The following SYNE2 variants were observed in gnomAD, a reference collection of about 807,000 sequenced individuals.
The protein encoded by SYNE2 is spectrin repeat containing nuclear envelope protein 2, also known as nesprin-2.
Under a neutral mutation model 856.3 loss-of-function variants are expected in SYNE2, and 431 were observed. The ratio of observed to expected loss-of-function variants is 0.50; its 90% CI spans 0.47 to 0.55. The LOEUF (loss-of-function observed/expected upper bound fraction) is 0.55, where lower values mean the gene tolerates loss of function less well. SYNE2 is among the 20% of genes least tolerant of loss of function. The pLI is 0.00. For missense variants in SYNE2, 8,129 were observed against 8,023.2 expected (o/e 1.01, Z -0.50); for synonymous variants, 2,923 against 2,872.3 (o/e 1.02, Z -0.56).
chr14:64,112,462 G>C (rs954462228), intron 65 of SYNE2, among the ~76,000 whole-genome samples: 3 of 152,166 alleles, frequency 2.0e-5, no homozygotes, highest in Non-Finnish European at 4.4e-5. Context: ...AGATAATACA[G>C]TGGGAGGTAA....
intron 108 of SYNE2, 59 bp from the exon 109 acceptor site, chr14:64,218,339 T>C (rs2098676596): frequency 1.4e-5 from 21 of 1,459,110 alleles, no homozygotes; most frequent in Non-Finnish European, 1.8e-5. Flanking sequence ...ATGAATCCAG[T>C]TGTTCTTCAG....
At chr14:64,003,777 G>A (rs2096773475) in intron 30 of SYNE2, among the ~76,000 whole-genome samples, 1 of 152,134 alleles carries the variant, frequency 6.6e-6, no homozygotes, top group Non-Finnish European at 1.5e-5. Context: ...CCTCCCAGCA[G>A]GATTAGGGTA....
intron 43 of SYNE2, among the ~76,000 whole-genome samples, chr14:64,028,845 T>A (rs2097004746): frequency 6.6e-6 from 1 of 152,096 alleles, no homozygotes; most frequent in Non-Finnish European, 1.5e-5. Flanking sequence ...AGTAAAATAA[T>A]TACGAGGCAG....
At chr14:63,990,722 C>T (rs140640289) in intron 20 of SYNE2, among the ~76,000 whole-genome samples, 153 bp downstream of exon 20, 45 of 151,994 alleles carry the variant, frequency 3.0e-4, no homozygotes, top group African/African-American at 9.4e-4. Context: ...TAATTTAAAG[C>T]GTATCAGAAA....
intron 1 of SYNE2, among the ~76,000 whole-genome samples, chr14:63,846,236 CAG>C (rs960955646): frequency 6.6e-6 from 1 of 151,140 alleles, no homozygotes; most frequent in Non-Finnish European, 1.5e-5. Flanking sequence ...TTTGGAGAGA[CAG>C]GGGCTCACCA....
chr14:63,794,002 C>T (rs1186424822), intron 1 of SYNE2, among the ~76,000 whole-genome samples: 1 of 151,776 alleles, frequency 6.6e-6, no homozygotes, highest in Non-Finnish European at 1.5e-5. Flanking sequence ...CATGTCCTGC[C>T]TGAAATACCA....
intron 1 of SYNE2, among the ~76,000 whole-genome samples, chr14:63,876,478 A>C (rs2094720715): frequency 6.9e-6 from 1 of 144,362 alleles, no homozygotes; most frequent in African/African-American, 2.6e-5. Context: ...AAAACAAGCA[A>C]CAAGCAAATA....
Position 63,930,533 on chromosome 14 carries a change from C to T in SYNE2, c.80-10081C>T, listed in dbSNP as rs77033278. Among the ~76,000 whole-genome samples the T allele has an allele frequency of 5.7e-4, 73 of 128,504 alleles. 2 individuals are homozygous for T. Among genetic ancestry groups the T allele is most frequent in the African/African-American group, 2.5e-3 (70 of 28,480 alleles). The allele number at this position is 128,504 out of a possible 152,430, so 84.3% of individuals were successfully genotyped here. On this transcript the variant is annotated intron_variant, in intron 2 of 115. Coordinates refer to ENST00000555002, the MANE Select transcript of SYNE2 (RefSeq NM_182914.3). ...ATCACTATCCTTTATCATTATCCTT[C>T]TTTTTTTTTTTTTTTTTAAAGACAG...
Position 64,002,869 on chromosome 14 carries a change from C to T in SYNE2, c.3936C>T (p.Asn1312=), listed in dbSNP as rs1478365446. The T allele has an allele frequency of 2.5e-6, 4 of 1,614,134 alleles. No homozygotes were observed. Among genetic ancestry groups the T allele is most frequent in the Non-Finnish European group, 2.5e-6 (3 of 1,180,020 alleles). Reference sequence around the variant, plus strand: ...ACAAAACACAATTTGAAGGAATGAACCACAGGGTGCAGAGGAGTGAAGATA... The same window carrying T: ...ACAAAACACAATTTGAAGGAATGAATCACAGGGTGCAGAGGAGTGAAGATA... The part of the protein sequence containing the change: ...LKYKTQFEGM[N]HRVQRSEDTL... Residue 1312 remains asparagine (N), a synonymous_variant, in exon 30 of 116, where the codon AAC becomes AAT. Coordinates refer to ENST00000555002, the MANE Select transcript of SYNE2 (RefSeq NM_182914.3).
At chr14:63,884,929 C>T (rs945615356) in intron 1 of SYNE2, among the ~76,000 whole-genome samples, 3 of 152,088 alleles carry the variant, frequency 2.0e-5, no homozygotes, top group Admixed American at 1.3e-4. Flanking sequence ...CAGGAGCCAC[C>T]GCACCCGGCC....
At chr14:63,968,162 CA>C (rs1296578424) in intron 11 of SYNE2, among the ~76,000 whole-genome samples, 4 of 145,088 alleles carry the variant, frequency 2.8e-5, no homozygotes, top group Non-Finnish European at 4.6e-5. Context: ...GACTCCGTCT[CA>C]AAAAAAAAAG....
rs112241770 is a variant in SYNE2, at chr14:64,027,634, T to C, written c.6555T>C (p.Tyr2185=). ...LQEKKAQLKI[Y]KKFLKKAQDL... The stretch of plus-strand genomic sequence containing the variant: ...AGAAGAAAGCTCAGTTAAAGATTTA[T>C]AAGAAATTCCTCAAGAAAGCCCAAG... Residue 2185 remains tyrosine (Y), a synonymous_variant, in exon 43 of 116, where the codon TAT becomes TAC. Transcript: ENST00000555002. 46 of 1,614,108 alleles carry C rather than the reference T, an allele frequency of 2.8e-5. 1 individual carries two copies. The highest frequency in any genetic ancestry group is 2.4e-4 in the African/African-American group (18 of 75,034).
intron 1 of SYNE2, among the ~76,000 whole-genome samples, chr14:63,829,897 G>T (rs1290319072): frequency 6.6e-6 from 1 of 152,140 alleles, no homozygotes; most frequent in Non-Finnish European, 1.5e-5. Flanking sequence ...GGGATTACAG[G>T]CATGAGGCAC....
intron 1 of SYNE2, among the ~76,000 whole-genome samples, chr14:63,804,129 A>C (rs1208048531): frequency 6.6e-6 from 1 of 152,190 alleles, no homozygotes; most frequent in Non-Finnish European, 1.5e-5. Context: ...GAGTCAATTA[A>C]ACCTCTTTTC....
intron 1 of SYNE2, among the ~76,000 whole-genome samples, chr14:63,878,600 T>C (rs2094783137): frequency 6.6e-6 from 1 of 152,074 alleles, no homozygotes; most frequent in Non-Finnish European, 1.5e-5. Context: ...TGGAGTGCAG[T>C]GGTGCGATCT....
intron 107 of SYNE2, chr14:64,215,914 C>G (rs1344444872): frequency 7.8e-7 from 1 of 1,288,458 alleles, no homozygotes; most frequent in African/African-American, 1.5e-5. Context: ...CACTCTTCCC[C>G]TCACTCCTGA....
chr14:63,952,857 G>T (rs1332294490), intron 7 of SYNE2, among the ~76,000 whole-genome samples: 1 of 152,122 alleles, frequency 6.6e-6, no homozygotes, highest in Non-Finnish European at 1.5e-5. Flanking sequence ...ATTTGATTCA[G>T]ACCTTAAAAT....
Position 64,122,338 on chromosome 14 carries a change from C to T in SYNE2, c.13333C>T (p.Gln4445Ter). The change falls in exon 70 of 116, where the codon CAG becomes TAG. Residue 4445 changes from glutamine (Q) to a stop codon, truncating the protein, a stop_gained. Transcript: ENST00000555002. LOFTEE classifies it high-confidence loss of function. ...NDVPDSILSP[Q>*]GQNGDKWQYL... ...CGTTCCAGACTCGATCTTGTCACCCCAGGGCCAAAATGGAGATAAGTGGCA... is the reference window on the plus strand; with the variant it reads ...CGTTCCAGACTCGATCTTGTCACCCTAGGGCCAAAATGGAGATAAGTGGCA... The T allele has an allele frequency of 6.2e-7, 1 of 1,614,170 alleles. No homozygotes were observed. Among genetic ancestry groups the T allele is most frequent in the Non-Finnish European group, 8.5e-7 (1 of 1,180,034 alleles).
chr14:64,155,281 T>C (rs2098276561), intron 85 of SYNE2, among the ~76,000 whole-genome samples: 1 of 119,780 alleles, frequency 8.3e-6, no homozygotes, highest in Admixed American at 7.9e-5. Context: ...AATGAAGTAG[T>C]ACATACATAT....
Sources: allele counts gnomAD v4.1 joint callset (sites outside exome capture counted in the v4.1 genomes callset), GRCh38; gene constraint gnomAD v4.1.1; transcripts MANE v1.5; gene names NCBI Gene and HGNC (gene_info 2026-07-23, HGNC 2026-07-21).